Variants in ZSWIM6 observed in about 807,000 individuals in gnomAD.
ZSWIM6 encodes zinc finger SWIM domain-containing protein 6.
Under a neutral mutation model 113.2 loss-of-function variants are expected in ZSWIM6, and 9 were observed. The observed-to-expected ratio is 0.08, with a 90% CI of 0.05 to 0.14. The LOEUF (loss-of-function observed/expected upper bound fraction) is 0.14. Ranked by LOEUF, ZSWIM6 falls within the 10% of genes least tolerant of loss-of-function variation. ZSWIM6 has a pLI of 1.00. For missense variants in ZSWIM6, 1,162 were observed against 1,552.2 expected (o/e 0.75, Z 4.22); for synonymous variants, 611 against 606.5 (o/e 1.01, Z -0.11).
chr5:61,366,935 A>AC (rs1745167616), intron 1 of ZSWIM6, among the ~76,000 whole-genome samples: 1 of 152,024 alleles, frequency 6.6e-6, no homozygotes, highest in South Asian at 2.1e-4. Context: ...CTCAAAAAAA[A>AC]AAAAAAAAAA....
intron 1 of ZSWIM6, among the ~76,000 whole-genome samples, chr5:61,345,005 A>G (rs1449385277): frequency 6.6e-6 from 1 of 152,212 alleles, no homozygotes; most frequent in Non-Finnish European, 1.5e-5. Flanking sequence ...GAAAGATTTA[A>G]GAATTGTCTT....
chr5:61,400,972 C>T (rs1021873649), intron 1 of ZSWIM6, among the ~76,000 whole-genome samples: 2 of 152,204 alleles, frequency 1.3e-5, no homozygotes, highest in African/African-American at 4.8e-5. Flanking sequence ...ATTTGTCTTG[C>T]TCTGAAGTCT....
intron 2 of ZSWIM6, among the ~76,000 whole-genome samples, chr5:61,485,349 A>G (rs897311010): frequency 2.6e-5 from 4 of 152,186 alleles, no homozygotes; most frequent in Non-Finnish European, 4.4e-5. Context: ...ATTTGGTCCT[A>G]GATGCTCTTA....
intron 4 of ZSWIM6, among the ~76,000 whole-genome samples, chr5:61,517,481 T>A (rs1438804344): frequency 6.6e-6 from 1 of 152,074 alleles, no homozygotes; most frequent in African/African-American, 2.4e-5. Context: ...CATTTTTTTA[T>A]AGTTTATATT....
chr5:61,543,350 C>CAT lies in ZSWIM6; in HGVS notation c.2786-105_2786-104insAT. On this transcript the variant is annotated intron_variant, in intron 13 of 13. Transcript: ENST00000252744. The surrounding 1 kb of genome is among the most constrained non-coding windows in gnomAD (Gnocchi z 4.3). ...CAGGATTTTCTAGCCTAGCTCATGTCCTATGATGGTTAACAATGTAAACAC... is the reference window on the plus strand; with the variant it reads ...CAGGATTTTCTAGCCTAGCTCATGTCATCTATGATGGTTAACAATGTAAACAC... 2.2e-6 allele frequency: 3 copies of CAT among 1,344,788 alleles called. No individual in the cohort carries two copies. The East Asian group carries it at 7.6e-5, about 34-fold the overall frequency. 83.3% of individuals were successfully genotyped at this position (1,344,788 alleles called of 1,614,324 possible).
rs986249758 is a variant in ZSWIM6, at chr5:61,467,376, A to G, written c.677-5305A>G. Among the ~76,000 whole-genome samples, 2 of 152,230 alleles carry G rather than the reference A, an allele frequency of 1.3e-5. 1 individual carries two copies. Among genetic ancestry groups the G allele is most frequent in the African/African-American group, 4.8e-5 (2 of 41,460 alleles). ...TGCAAGCCTATTTAATGTCTGTATC[A>G]AAAGAGAGCTGGACTTTGCTGTCTG... On this transcript the variant is annotated intron_variant, in intron 1 of 13. Transcript: ENST00000252744.
chr5:61,361,098 T>C lies in ZSWIM6; in HGVS notation c.676+28150T>C, dbSNP rs539642875. On this transcript the variant is annotated intron_variant, in intron 1 of 13. Transcript: ENST00000252744. ...GGAGGGGGGTAAAGTCACAGAGGAG[T>C]GGGAGTAGGTCCCAATGTGGACTTT... Among the ~76,000 whole-genome samples the C allele has an allele frequency of 1.9e-3, 292 of 152,006 alleles. 1 individual carries two copies. Among genetic ancestry groups the C allele is most frequent in the African/African-American group, 6.5e-3 (269 of 41,454 alleles).
intron 2 of ZSWIM6, among the ~76,000 whole-genome samples, chr5:61,476,331 T>G (rs1747706216): frequency 6.6e-6 from 1 of 152,158 alleles, no homozygotes; most frequent in Non-Finnish European, 1.5e-5. Flanking sequence ...ATTGCAATAG[T>G]GTGTAGATAA....
At chr5:61,418,643 A>G (rs1746300044) in intron 1 of ZSWIM6, among the ~76,000 whole-genome samples, 1 of 152,190 alleles carries the variant, frequency 6.6e-6, no homozygotes, top group African/African-American at 2.4e-5. Flanking sequence ...AATGTTTCCA[A>G]GGGAAGTGGT....
At chr5:61,394,796 G>T (rs1355963142) in intron 1 of ZSWIM6, among the ~76,000 whole-genome samples, 1 of 152,176 alleles carries the variant, frequency 6.6e-6, no homozygotes. Flanking sequence ...TGCAAAAATG[G>T]AGTGTGAAAC....
At chr5:61,516,427 G>A (rs1280811865) in intron 4 of ZSWIM6, among the ~76,000 whole-genome samples, 1 of 144,130 alleles carries the variant, frequency 6.9e-6, no homozygotes, top group Non-Finnish European at 1.5e-5. Flanking sequence ...GGCATGTAGA[G>A]TATAACAAAA....
chr5:61,333,943 C>A (rs1031228524), intron 1 of ZSWIM6, among the ~76,000 whole-genome samples: 4 of 152,108 alleles, frequency 2.6e-5, no homozygotes, highest in Non-Finnish European at 4.4e-5. Flanking sequence ...GAGGGCTCGG[C>A]GGCCGCTCCC....
intron 2 of ZSWIM6, among the ~76,000 whole-genome samples, chr5:61,479,692 G>A (rs928563254): frequency 6.6e-6 from 1 of 152,278 alleles, no homozygotes; most frequent in East Asian, 1.9e-4. Context: ...TAGAATACTG[G>A]CCCTTTGCTT....
chr5:61,492,746 T>G (rs1748215633), intron 3 of ZSWIM6, among the ~76,000 whole-genome samples: 1 of 152,136 alleles, frequency 6.6e-6, no homozygotes, highest in Non-Finnish European at 1.5e-5. Flanking sequence ...GAAGTGCTTT[T>G]GAGTTCTTTA....
intron 1 of ZSWIM6, among the ~76,000 whole-genome samples, chr5:61,371,643 G>A (rs759810779): frequency 2.0e-5 from 3 of 152,152 alleles, no homozygotes; most frequent in Non-Finnish European, 2.9e-5. Context: ...TCGGGATCAC[G>A]TGGCTTTGTG....
At chr5:61,460,752 A>G (rs982825846) in intron 1 of ZSWIM6, among the ~76,000 whole-genome samples, 4 of 152,124 alleles carry the variant, frequency 2.6e-5, no homozygotes, top group African/African-American at 2.4e-5. Flanking sequence ...GTATCATAAT[A>G]TATAATGTTC....
chr5:61,370,851 A>ACCC (rs1173081621), intron 1 of ZSWIM6, among the ~76,000 whole-genome samples: 3 of 152,214 alleles, frequency 2.0e-5, no homozygotes, highest in Non-Finnish European at 4.4e-5. Flanking sequence ...AAACTAAAGA[A>ACCC]CCCCTACAAG....
At chr5:61,359,846 AC>A (rs1744994875) in intron 1 of ZSWIM6, among the ~76,000 whole-genome samples, 1 of 152,192 alleles carries the variant, frequency 6.6e-6, no homozygotes, top group Admixed American at 6.5e-5. Context: ...TGGAAAAAAA[AC>A]AAAACAAAAC....
At chr5:61,469,568 C>T (rs544346888) in intron 1 of ZSWIM6, among the ~76,000 whole-genome samples, 1 of 152,218 alleles carries the variant, frequency 6.6e-6, no homozygotes, top group African/African-American at 2.4e-5. Context: ...ATGTGGGATC[C>T]CTTCTGCATA....
Sources: allele counts gnomAD v4.1 joint callset (sites outside exome capture counted in the v4.1 genomes callset), GRCh38; gene constraint gnomAD v4.1.1; non-coding constraint Gnocchi (gnomAD v3.1); transcripts MANE v1.5; gene names NCBI Gene and HGNC (gene_info 2026-07-23, HGNC 2026-07-21).